CD7: variants seen among roughly 807,000 people sequenced by gnomAD.
CD7 encodes the protein CD7 molecule, also known as T-cell antigen CD7.
CD7 carries 19 observed loss-of-function variants against 17.6 expected under a neutral mutation model. The observed-to-expected ratio is 1.08, with a 90% CI of 0.75 to 1.58. The LOEUF (loss-of-function observed/expected upper bound fraction) is 1.58, where lower values mean the gene tolerates loss of function less well. Among genes scored for constraint, CD7 ranks in the 40% most tolerant of loss-of-function variants. CD7 has a pLI of 0.00. For synonymous variants in CD7, 160 were observed against 159.8 expected (o/e 1.00, Z -0.01); for missense variants, 291 against 327.1 (o/e 0.89, Z 0.85).
Position 82,315,275 on chromosome 17 carries a change from A to AGGGCAG in CD7, c.*45_*46insCTGCCC. On this transcript the variant is annotated 3_prime_UTR_variant, in exon 4 of 4. Coordinates refer to ENST00000312648, the MANE Select transcript of CD7 (RefSeq NM_006137.7). ...GGGTGGGGGGCATGGTGGGGCAGGG[A>AGGGCAG]AGGTGCTGGGGGGACCACAGGCGGG... The AGGGCAG allele has an allele frequency of 9.4e-7, 1 of 1,061,066 alleles. No homozygotes were observed. 65.7% of individuals were successfully genotyped at this position (1,061,066 alleles called of 1,614,324 possible).
chr17:82,315,180 A>G lies in CD7; in HGVS notation c.*141T>C. ...GGCCACTGCCTGTGTGTCTGCTTGG[A>G]GCTGGGCACGGCTGGGCCCTTCAAA... On this transcript the variant is annotated 3_prime_UTR_variant, in exon 4 of 4. Coordinates refer to ENST00000312648, the MANE Select transcript of CD7 (RefSeq NM_006137.7). 1.6e-6 allele frequency: 1 copy of G among 623,444 alleles called. No homozygotes were observed. The highest frequency in any genetic ancestry group is 2.8e-5 in the East Asian group (1 of 35,452). 38.6% of individuals were successfully genotyped at this position (623,444 alleles called of 1,614,324 possible). A position where few individuals can be genotyped will look rare whatever the true frequency, so the allele number is the denominator to read the frequency against.
At chr17:82,316,501 A>G (rs2052017343) in intron 2 of CD7, 92 bp from the exon 3 acceptor site, 18 of 1,280,844 alleles carry the variant, frequency 1.4e-5, no homozygotes, top group Middle Eastern at 4.2e-4. Flanking sequence ...AAGGCTGTGG[A>G]GGGGAGGAGG....
chr17:82,315,979 G>GCACACGCA (rs2052009802), intron 3 of CD7: 1 of 657,394 alleles, frequency 1.5e-6, no homozygotes, highest in East Asian at 2.7e-5. Context: ...GCGCACACGC[G>GCACACGCA]GGCCCAGCGC....
Position 82,315,376 on chromosome 17 carries a change from TC to T in CD7, c.667del (p.Glu223ArgfsTer?). ...DKNSAACVVYEDMSHSRCNTL... is the reference protein window; with the variant it reads ...DKNSAACVVYXDMSHSRCNTL... Reference sequence around the variant, plus strand: ...GTTGCAGCGGCTGTGCGACATGTCCTCGTACACCACACATGCCGCCGAATTC... The same window carrying T: ...GTTGCAGCGGCTGTGCGACATGTCCTGTACACCACACATGCCGCCGAATTC... On this transcript the variant is annotated frameshift_variant, in exon 4 of 4. Transcript: ENST00000312648. LOFTEE classifies it high-confidence loss of function. 6.2e-7 allele frequency: 1 copy of T among 1,613,506 alleles called. No individual in the cohort carries two copies. Among genetic ancestry groups the T allele is most frequent in the South Asian group, 1.1e-5 (1 of 91,080 alleles).
rs761148785 is a variant in CD7, at chr17:82,316,957, G to T, written c.107C>A (p.Thr36Lys). Residue 36 changes from threonine (T) to lysine (K), a missense_variant, in exon 2 of 4, where the codon ACG becomes AAG. Transcript: ENST00000312648. ...GACGGAGGCTCCCACGGGGACAGTC[G>T]TGCAGTGGGGAGACTGCTGCACCTC... ...AQEVQQSPHC[T>K]TVPVGASVNI... The T allele has an allele frequency of 1.3e-6, 2 of 1,598,758 alleles. No homozygotes were observed. Among genetic ancestry groups the T allele is most frequent in the Non-Finnish European group, 1.7e-6 (2 of 1,176,442 alleles).
At position 82,316,068 on chromosome 17, in the gene CD7, G is replaced by C; in HGVS notation, c.612+127C>G. 5.8e-6 allele frequency: 6 copies of C among 1,034,338 alleles called. No homozygotes were observed. In the South Asian group the frequency reaches 8.1e-5, roughly 14 times the overall value. 64.1% of individuals were successfully genotyped at this position (1,034,338 alleles called of 1,614,324 possible). On this transcript the variant is annotated intron_variant, in intron 3 of 3. Coordinates refer to ENST00000312648, the MANE Select transcript of CD7 (RefSeq NM_006137.7). ...CGCCGAGGCCACTTCCACCCTGAGA[G>C]TTCCAGAGCCTGCAGAGGAGGCGGC...
Position 82,316,711 on chromosome 17 carries a change from G to A in CD7, c.353C>T (p.Thr118Met), listed in dbSNP as rs761555423. ...DTGTYTCQAI[T>M]EVNVYGSGTL... is the part of the protein sequence containing the mutation. ...GCCGGAGCCGTAGACATTGACCTCC[G>A]TGATGGCCTGGCAGGTGTAGGTGCC... Residue 118 changes from threonine (T) to methionine (M), a missense_variant, in exon 2 of 4, where the codon ACG (threonine) becomes ATG (methionine). Thr to Met is a moderately conservative substitution (Grantham distance 81). Transcript: ENST00000312648. The A allele has an allele frequency of 8.1e-6, 13 of 1,613,452 alleles. No homozygotes were observed. The highest frequency in any genetic ancestry group is 4.5e-5 in the East Asian group (2 of 44,900).
rs746691752 is a variant in CD7, at chr17:82,316,840, C to T, written c.224G>A (p.Gly75Glu). Residue 75 changes from glycine to glutamate, a missense_variant, in exon 2 of 4, where the codon GGG becomes GAG. Transcript: ENST00000312648. ...CCGTCTGTCCGTAGTGGGCACCACC[C>T]CGTCCTCGTAGTAAATGATGTCTTG... is the stretch of plus-strand genomic sequence containing the variant. ...QPQDIIYYEDGVVPTTDRRFR... is the reference protein window; with the variant it reads ...QPQDIIYYEDEVVPTTDRRFR... 4 of 1,613,952 alleles carry T rather than the reference C, an allele frequency of 2.5e-6. No homozygotes were observed. Among genetic ancestry groups the T allele is most frequent in the Non-Finnish European group, 2.5e-6 (3 of 1,180,000 alleles).
Position 82,316,228 on chromosome 17 carries a change from G to A in CD7, c.579C>T (p.Gly193=), listed in dbSNP as rs2052012566. 1.3e-6 allele frequency: 2 copies of A among 1,568,314 alleles called. No homozygotes were observed. The highest frequency in any genetic ancestry group is 1.2e-5 in the South Asian group (1 of 85,702). ...TCGCCAGCACACACGCCACCCCCAG[G>A]CCCAGCCCGAGGAGGAAGGAGATCA... ...LAVISFLLGL[G]LGVACVLART... The change falls in exon 3 of 4, where the codon GGC becomes GGT. Residue 193 remains glycine (G), a synonymous_variant. Transcript: ENST00000312648.
chr17:82,316,213 A>G lies in CD7; in HGVS notation c.594T>C (p.Cys198=). Residue 198 remains cysteine, a synonymous_variant, in exon 3 of 4, where the codon TGT becomes TGC. Coordinates refer to ENST00000312648, the MANE Select transcript of CD7 (RefSeq NM_006137.7). ...CACTGACCTGTGTCCTCGCCAGCACACACGCCACCCCCAGGCCCAGCCCGA... is the reference window on the plus strand; with the variant it reads ...CACTGACCTGTGTCCTCGCCAGCACGCACGCCACCCCCAGGCCCAGCCCGA... ...FLLGLGLGVA[C]VLARTQIKKL... The G allele has an allele frequency of 6.4e-7, 1 of 1,563,532 alleles. No individual in the cohort carries two copies. The highest frequency in any genetic ancestry group is 8.7e-7 in the Non-Finnish European group (1 of 1,153,566).
In CD7 at chr17:82,316,214, C is replaced by A; in HGVS notation, c.593G>T (p.Cys198Phe). The change falls in exon 3 of 4, where the codon TGT becomes TTT. Residue 198 changes from cysteine to phenylalanine, a missense_variant. Cys to Phe is a radical substitution (Grantham distance 205). Transcript: ENST00000312648. ...FLLGLGLGVA[C>F]VLARTQIKKL... ...ACTGACCTGTGTCCTCGCCAGCACA[C>A]ACGCCACCCCCAGGCCCAGCCCGAG... The A allele has an allele frequency of 6.4e-7, 1 of 1,563,796 alleles. No homozygotes were observed.
Position 82,317,602 on chromosome 17 carries a change from C to T in CD7, c.-107G>A, listed in dbSNP as rs2052030342. 9.5e-7 allele frequency: 1 copy of T among 1,047,976 alleles called. No homozygotes were observed. Among genetic ancestry groups the T allele is most frequent in the Non-Finnish European group, 1.3e-6 (1 of 743,686 alleles). 64.9% of individuals were successfully genotyped at this position (1,047,976 alleles called of 1,614,324 possible). ...CAGGAGACCGCAGGCGCTCAGAGCTCAGAGAGGGCTTCCTGGAGGCGGTGC... is the reference window on the plus strand; with the variant it reads ...CAGGAGACCGCAGGCGCTCAGAGCTTAGAGAGGGCTTCCTGGAGGCGGTGC... On this transcript the variant is annotated 5_prime_UTR_variant, in exon 1 of 4. Transcript: ENST00000312648.
intron 3 of CD7, 143 bp from the exon 4 acceptor site, chr17:82,315,574 C>T (rs1223853536): frequency 3.1e-6 from 2 of 653,394 alleles, no homozygotes; most frequent in Non-Finnish European, 5.4e-6. Flanking sequence ...AGCCCCAGGG[C>T]TTCCCAGCAG....
rs1280280147 is a variant in CD7, at chr17:82,317,423, C to T, written c.73G>A (p.Ala25Thr). The change falls in exon 1 of 4, where the codon GCT becomes ACT. Residue 25 changes from alanine to threonine, a missense_variant. Ala to Thr is a moderately conservative substitution (Grantham distance 58). Coordinates refer to ENST00000312648, the MANE Select transcript of CD7 (RefSeq NM_006137.7). ...ALARGLPGALAAQEVQQSPHC... is the reference protein window; with the variant it reads ...ALARGLPGALTAQEVQQSPHC... ...CCTGGGAAGCTCTTACCTTGGGCAG[C>T]CAGGGCCCCAGGCAGGCCGCGAGCC... The T allele has an allele frequency of 4.5e-6, 7 of 1,557,394 alleles. No homozygotes were observed. The African/African-American group carries it at 8.2e-5, about 18-fold the overall frequency.
rs2052029760 is a variant in CD7, at chr17:82,317,551, T to A, written c.-56A>T. On this transcript the variant is annotated 5_prime_UTR_variant, in exon 1 of 4. Coordinates refer to ENST00000312648, the MANE Select transcript of CD7 (RefSeq NM_006137.7). ...GAGTGCAGCTGAGCCTCTCTGGGTC[T>A]ACAGGACCCCACAGAGAGCAGCACA... 13 of 1,457,404 alleles carry A rather than the reference T, an allele frequency of 8.9e-6. 1 individual carries two copies. The South Asian group carries it at 1.4e-4, about 16-fold the overall frequency. The allele number at this position is 1,457,404 out of a possible 1,614,324, so 90.3% of individuals were successfully genotyped here.
In CD7 at chr17:82,316,724, A is replaced by T. The variant is rs760479054; in HGVS notation, c.340T>A (p.Cys114Ser). 3 of 1,613,722 alleles carry T rather than the reference A, an allele frequency of 1.9e-6. No individual in the cohort carries two copies. The highest frequency in any genetic ancestry group is 2.5e-6 in the Non-Finnish European group (3 of 1,180,002). Residue 114 changes from cysteine (C) to serine (S), a missense_variant, in exon 2 of 4, where the codon TGC (cysteine) becomes AGC (serine). Physicochemically the swap from Cys to Ser is moderately radical, Grantham distance 112. Coordinates refer to ENST00000312648, the MANE Select transcript of CD7 (RefSeq NM_006137.7). ...ACATTGACCTCCGTGATGGCCTGGC[A>T]GGTGTAGGTGCCAGTGTCCGACAGC... is the stretch of plus-strand genomic sequence containing the variant. Reference protein sequence around the residue: ...LQLSDTGTYTCQAITEVNVYG... With the variant: ...LQLSDTGTYTSQAITEVNVYG...
chr17:82,316,938 G>A lies in CD7; in HGVS notation c.126C>T (p.Ala42=). 3 of 1,606,858 alleles carry A rather than the reference G, an allele frequency of 1.9e-6. No individual in the cohort carries two copies. The highest frequency in any genetic ancestry group is 1.7e-6 in the Non-Finnish European group (2 of 1,179,132). Residue 42 remains alanine, a synonymous_variant, in exon 2 of 4, where the codon GCC becomes GCT. Coordinates refer to ENST00000312648, the MANE Select transcript of CD7 (RefSeq NM_006137.7). The part of the protein sequence containing the change: ...SPHCTTVPVG[A]SVNITCSTSG... ...TGGTGGAGCAGGTGATGTTGACGGA[G>A]GCTCCCACGGGGACAGTCGTGCAGT... is the stretch of plus-strand genomic sequence containing the variant.
intron 3 of CD7, 93 bp downstream of exon 3, chr17:82,316,102 G>C: frequency 1.5e-6 from 2 of 1,320,966 alleles, no homozygotes; most frequent in Non-Finnish European, 2.1e-6. Flanking sequence ...GCGGGTACCA[G>C]GGTTTTCCTC....
intron 3 of CD7, chr17:82,315,874 G>T: frequency 1.7e-6 from 1 of 597,458 alleles, no homozygotes. Flanking sequence ...CGGGCCCAGC[G>T]CCTGGGCGCT....
Sources: gnomAD v4.1 joint callset for allele counts on GRCh38, gnomAD v4.1.1 for gene constraint, MANE v1.5 for transcripts, NCBI Gene and HGNC (gene_info 2026-07-23, HGNC 2026-07-21) for gene names.